Variants in DOCK1 observed in about 807,000 individuals in gnomAD.
DOCK1 encodes dedicator of cytokinesis 1, also known as dedicator of cytokinesis protein 1.
Under a neutral mutation model 262.7 loss-of-function variants are expected in DOCK1, and 138 were observed. The observed-to-expected ratio is 0.53, with a 90% confidence interval of 0.46 to 0.61. The LOEUF (loss-of-function observed/expected upper bound fraction) is 0.61, where lower values mean the gene tolerates loss of function less well. Among genes scored for constraint, DOCK1 ranks in the 20% least tolerant of loss-of-function variants. The pLI, the probability that DOCK1 is intolerant of heterozygous loss-of-function variation, is 0.00. For missense variants in DOCK1, 1,908 were observed against 2,370.7 expected, an observed-to-expected ratio of 0.80 and a Z score of 4.05; for synonymous variants, 866 against 867.4, an observed-to-expected ratio of 1.00 and a Z score of 0.03.
chr10:126,918,349 T>A (rs2032758556), intron 1 of DOCK1, among the ~76,000 whole-genome samples: 1 of 152,252 alleles, frequency 6.6e-6, no homozygotes, highest in Non-Finnish European at 1.5e-5. Context: ...CCGCTGCCGC[T>A]GCCTACTGGT....
In DOCK1 at chr10:127,438,113, C is replaced by T. The variant is rs141329509; in HGVS notation, c.5061-914C>T. Among the ~76,000 whole-genome samples, 525 of 152,330 alleles carry T rather than the reference C, an allele frequency of 3.4e-3. 2 individuals are homozygous for T. The highest frequency in any genetic ancestry group is 0.012 in the African/African-American group (481 of 41,572). On this transcript the variant is annotated intron_variant, in intron 48 of 51. Coordinates refer to ENST00000623213, the MANE Select transcript of DOCK1 (RefSeq NM_001290223.2). ...CATTCAACCATCTCTCCTGACTCCT[C>T]CTCACAGCAGGAGCTGCTAGGGATG...
intron 23 of DOCK1, among the ~76,000 whole-genome samples, chr10:127,063,851 T>A (rs1177510723): frequency 6.6e-6 from 1 of 152,208 alleles, no homozygotes; most frequent in Admixed American, 6.5e-5. Context: ...GGGTGTTTTA[T>A]TATAAGACAC....
rs548251496 is a variant in DOCK1, at chr10:126,914,228, C to T, written c.46+8665C>T. ...TAGTTCTTATTGATTGCTGGGGGGT[C>T]CTGAAGGGACAGGATGAAGGCAGAT... On this transcript the variant is annotated intron_variant, in intron 1 of 51. Transcript: ENST00000623213. 8.7e-4 allele frequency among the ~76,000 whole-genome samples: 132 copies of T among 152,032 alleles called. 1 individual carries two copies. Among genetic ancestry groups the T allele is most frequent in the Non-Finnish European group, 1.6e-3 (109 of 67,994 alleles).
rs1020819332 is a variant in DOCK1 at position 127,446,272 on chromosome 10, AAAAG to A, written c.5414-1117_5414-1114del. ...CCCAAACAAAAAGAAAAGAAAAAAA[AAAAG>A]AAAGTAGAATAGAGGATACTAGGGG... On this transcript the variant is annotated intron_variant, in intron 50 of 51. Transcript: ENST00000623213. The surrounding 1 kb of genome is among the most constrained non-coding windows in gnomAD (Gnocchi z 4.4). Among the ~76,000 whole-genome samples the A allele has an allele frequency of 2.0e-5, 3 of 151,858 alleles. No individual in the cohort carries two copies. The highest frequency in any genetic ancestry group is 2.9e-5 in the Non-Finnish European group (2 of 67,946).
chr10:127,329,882 G>A (rs369412089), intron 29 of DOCK1, among the ~76,000 whole-genome samples: 2 of 152,270 alleles, frequency 1.3e-5, no homozygotes, highest in South Asian at 2.1e-4. Context: ...AAATTAGACT[G>A]TTAGTGATGA....
At chr10:127,397,253 G>T (rs2066930440) in intron 38 of DOCK1, among the ~76,000 whole-genome samples, 1 of 142,828 alleles carries the variant, frequency 7.0e-6, no homozygotes, top group African/African-American at 2.7e-5. Flanking sequence ...CTGAGCATGA[G>T]TTACACGGGC....
chr10:126,952,971 G>A (rs1335585936), intron 1 of DOCK1, among the ~76,000 whole-genome samples: 1 of 148,954 alleles, frequency 6.7e-6, no homozygotes, highest in Non-Finnish European at 1.5e-5. Context: ...TTTGTTGGTG[G>A]TATTGTTGGT....
chr10:126,918,535 T>C (rs1340103773), intron 1 of DOCK1, among the ~76,000 whole-genome samples: 1 of 152,260 alleles, frequency 6.6e-6, no homozygotes, highest in African/African-American at 2.4e-5. Flanking sequence ...GGAGCTGTCC[T>C]GTACCTTGCT....
At chr10:127,403,308 T>C (rs2134321970) in intron 39 of DOCK1, among the ~76,000 whole-genome samples, 164 bp downstream of exon 39, 1 of 152,354 alleles carries the variant, frequency 6.6e-6, no homozygotes, top group Non-Finnish European at 1.5e-5. Flanking sequence ...AATTTGCTGG[T>C]TGATATTTGG....
intron 33 of DOCK1, among the ~76,000 whole-genome samples, chr10:127,371,471 A>G (rs1004638258): frequency 6.6e-6 from 1 of 152,220 alleles, no homozygotes; most frequent in Non-Finnish European, 1.5e-5. Context: ...CTAGATTTAC[A>G]TGGAAGCAGA....
At chr10:127,249,463 G>A (rs2489418) in intron 28 of DOCK1, among the ~76,000 whole-genome samples, 17,962 of 144,154 alleles carry the variant, frequency 0.12, 1,132 homozygotes, top group East Asian at 0.19. Context: ...ACACACACAC[G>A]CAGTCGTGTG....
chr10:127,002,204 G>A (rs1419242108), intron 10 of DOCK1, among the ~76,000 whole-genome samples: 1 of 151,936 alleles, frequency 6.6e-6, no homozygotes, highest in Non-Finnish European at 1.5e-5. Flanking sequence ...AGGCATAATT[G>A]GCTTCATTTG....
intron 22 of DOCK1, among the ~76,000 whole-genome samples, chr10:127,053,962 CTTG>C (rs2044946710): frequency 6.6e-6 from 1 of 152,268 alleles, no homozygotes; most frequent in South Asian, 2.1e-4. Flanking sequence ...TGTTATTGTT[CTTG>C]TTGTGAGTTC....
intron 51 of DOCK1, among the ~76,000 whole-genome samples, chr10:127,448,543 G>A (rs1431605002): frequency 2.0e-5 from 3 of 152,172 alleles, no homozygotes; most frequent in Non-Finnish European, 4.4e-5. Context: ...GATGGAGGCG[G>A]GCGAGCGATT....
intron 10 of DOCK1, among the ~76,000 whole-genome samples, chr10:127,008,385 A>C (rs918759907): frequency 6.6e-6 from 1 of 152,240 alleles, no homozygotes; most frequent in Non-Finnish European, 1.5e-5. Flanking sequence ...GGTGTGAGCC[A>C]CTGCGCCTGG....
chr10:127,096,640 A>T (rs1191360443), intron 23 of DOCK1, among the ~76,000 whole-genome samples: 1 of 151,972 alleles, frequency 6.6e-6, no homozygotes, highest in Non-Finnish European at 1.5e-5. Context: ...ACTTTATTCT[A>T]AAATAGCATC....
chr10:127,002,310 G>C (rs1443874087), intron 10 of DOCK1, among the ~76,000 whole-genome samples: 1 of 152,192 alleles, frequency 6.6e-6, no homozygotes, highest in Non-Finnish European at 1.5e-5. Context: ...AAGATGGATT[G>C]TGTCATAAGT....
chr10:127,193,734 T>C (rs2056907948), intron 27 of DOCK1, among the ~76,000 whole-genome samples: 1 of 152,184 alleles, frequency 6.6e-6, no homozygotes, highest in Non-Finnish European at 1.5e-5. Flanking sequence ...CTTTCTCTTA[T>C]TTATTGATTT....
intron 25 of DOCK1, among the ~76,000 whole-genome samples, chr10:127,117,894 C>G (rs1265754726): frequency 6.6e-6 from 1 of 152,052 alleles, no homozygotes; most frequent in African/African-American, 2.4e-5. Context: ...TGGAAAGAGC[C>G]CCAGGTCAGC....
Sources: gnomAD v4.1 joint callset for allele counts (sites outside exome capture counted in the v4.1 genomes callset) on GRCh38, gnomAD v4.1.1 for gene constraint, Gnocchi (gnomAD v3.1) non-coding constraint, MANE v1.5 for transcripts, NCBI Gene and HGNC (gene_info 2026-07-23, HGNC 2026-07-21) for gene names.